The following DENND2B variants were observed in gnomAD, a reference collection of about 807,000 sequenced individuals.
DENND2B encodes the protein DENN domain containing 2B, also known as DENN domain-containing protein 2B.
Under a neutral mutation model 116.0 loss-of-function variants are expected in DENND2B, and 32 were observed. The ratio of observed to expected loss-of-function variants is 0.28; its 90% CI spans 0.21 to 0.37. The LOEUF is 0.37. Ranked by LOEUF, DENND2B falls within the 10% of genes least tolerant of loss-of-function variation. The probability of loss-of-function intolerance (pLI) is 1.00; values close to 1 mark genes in which losing one functional copy is unlikely to be tolerated. For missense variants in DENND2B, 1,276 were observed against 1,477.7 expected, an observed-to-expected ratio of 0.86 and a Z score of 2.24; for synonymous variants, 588 against 583.9, an observed-to-expected ratio of 1.01 and a Z score of -0.10.
chr11:8,811,403 C>T (rs1387078875), upstream of DENND2B: 5 of 398,254 alleles, frequency 1.3e-5, no homozygotes, highest in Non-Finnish European at 2.2e-5. Flanking sequence ...AGAGTCACAA[C>T]CCAGACGACA....
chr11:8,856,001 C>A (rs2063181231), intron 3 of DENND2B, among the ~76,000 whole-genome samples: 1 of 152,170 alleles, frequency 6.6e-6, no homozygotes, highest in South Asian at 2.1e-4. Context: ...ACTGTCTGAG[C>A]ACCCAACATA....
At chr11:8,746,454 A>G (rs528223374) in intron 2 of DENND2B, among the ~76,000 whole-genome samples, 34 of 152,350 alleles carry the variant, frequency 2.2e-4, no homozygotes, top group African/African-American at 8.2e-4. Flanking sequence ...ATCCCAACAG[A>G]GAATGTATCG....
intron 1 of DENND2B, among the ~76,000 whole-genome samples, chr11:8,892,574 G>T (rs547620614): frequency 6.6e-6 from 1 of 151,802 alleles, no homozygotes; most frequent in East Asian, 1.9e-4. Context: ...TATCACCACC[G>T]ATCCCACAGA....
At chr11:8,851,146 A>G (rs1445578875) in intron 3 of DENND2B, among the ~76,000 whole-genome samples, 1 of 152,174 alleles carries the variant, frequency 6.6e-6, no homozygotes, top group Non-Finnish European at 1.5e-5. Flanking sequence ...ACAATACATC[A>G]CATACTTGAA....
chr11:8,708,986 G>A (rs1394264881), intron 11 of DENND2B, among the ~76,000 whole-genome samples: 4 of 151,764 alleles, frequency 2.6e-5, no homozygotes, highest in Non-Finnish European at 4.4e-5. Context: ...AGCTAAAGGG[G>A]AGACATGCAC....
chr11:8,754,623 A>T (rs902300275), intron 1 of DENND2B, among the ~76,000 whole-genome samples: 8 of 152,264 alleles, frequency 5.3e-5, no homozygotes, highest in Non-Finnish European at 8.8e-5. Context: ...CTTGTACATA[A>T]ATGTTCATAA....
At chr11:8,761,998 C>T (rs1026990196) in intron 1 of DENND2B, among the ~76,000 whole-genome samples, 8 of 152,014 alleles carry the variant, frequency 5.3e-5, no homozygotes, top group Non-Finnish European at 7.4e-5. Flanking sequence ...AACTTCAACA[C>T]CTCCTCCCTC....
intron 1 of DENND2B, among the ~76,000 whole-genome samples, chr11:8,764,207 G>A (rs1279328604): frequency 4.9e-5 from 7 of 144,094 alleles, no homozygotes; most frequent in Non-Finnish European, 1.1e-4. Context: ...GCAATAGAGC[G>A]AGAATCAATC....
At position 8,715,608 on chromosome 11, in the gene DENND2B, G is replaced by A. The variant is rs1160428912; in HGVS notation, c.1840C>T (p.Pro614Ser). Residue 614 changes from proline (P) to serine (S), a missense_variant, in exon 6 of 20, where the codon CCC (proline) becomes TCC (serine). Around this residue, in one of 2 missense-constraint regions of DENND2B, gnomAD observed 856 missense variants for 846.6 expected, o/e 1.01. Transcript: ENST00000313726. ...GCTGCCTCTGGGGAGGGTACCTTGG[G>A]AATGCGGCGGGCCCGGCGGCTGGAC... ...LLSSRRARRIPKLVQRINSIY... is the reference protein window; with the variant it reads ...LLSSRRARRISKLVQRINSIY... 4 of 1,612,550 alleles carry A rather than the reference G, an allele frequency of 2.5e-6. No homozygotes were observed. The highest frequency in any genetic ancestry group is 2.5e-6 in the Non-Finnish European group (3 of 1,178,926).
chr11:8,701,345 G>C (rs978692699), intron 14 of DENND2B, among the ~76,000 whole-genome samples: 1,355 of 26,512 alleles, frequency 0.051, 223 homozygotes, highest in African/African-American at 0.16. Context: ...GCCAGCTTCC[G>C]GGGGGGGGGG....
rs183840237 is a variant in DENND2B at position 8,893,675 on chromosome 11, T to G, written c.-255-12566A>C. On this transcript the variant is annotated intron_variant, in intron 1 of 22. Transcript: ENST00000534127. ...GCTTCAAAGAGAATAAAATACCTAG[T>G]AATCCAACTTACAAGGGATGTGAAG... Among the ~76,000 whole-genome samples the G allele has an allele frequency of 6.5e-3, 987 of 152,178 alleles. 16 individuals carry two copies. The highest frequency in any genetic ancestry group is 0.022 in the African/African-American group (917 of 41,514).
intron 1 of DENND2B, among the ~76,000 whole-genome samples, chr11:8,764,942 CAAAAAAAAAAA>C: frequency 2.0e-5 from 2 of 100,292 alleles, no homozygotes; most frequent in African/African-American, 7.7e-5. Context: ...GAGACTGTCT[CAAAAAAAAAAA>C]AAAAAAAAAA....
intron 4 of DENND2B, among the ~76,000 whole-genome samples, chr11:8,828,387 C>T (rs536110522): frequency 2.0e-5 from 3 of 152,158 alleles, no homozygotes; most frequent in African/African-American, 7.2e-5. Context: ...GCCTCCTGCC[C>T]CCCAGGATGC....
At chr11:8,832,345 G>A (rs747109302) in intron 4 of DENND2B, among the ~76,000 whole-genome samples, 27 of 151,948 alleles carry the variant, frequency 1.8e-4, no homozygotes, top group Non-Finnish European at 3.2e-4. Context: ...CCAGCTACTC[G>A]GGAGGTTGAG....
intron 9 of DENND2B, chr11:8,711,799 G>A (rs2043751064): frequency 2.4e-5 from 7 of 291,716 alleles, no homozygotes; most frequent in Non-Finnish European, 4.2e-5. Context: ...CCCAGGAGGC[G>A]GAGGTTGCAG....
chr11:8,878,788 A>G (rs2063871741), intron 2 of DENND2B, among the ~76,000 whole-genome samples: 1 of 152,226 alleles, frequency 6.6e-6, no homozygotes, highest in Admixed American at 6.5e-5. Context: ...TGAAAACATT[A>G]TGCTAAGTGA....
At chr11:8,760,956 A>C (rs1222802570) in intron 1 of DENND2B, among the ~76,000 whole-genome samples, 1 of 152,188 alleles carries the variant, frequency 6.6e-6, no homozygotes, top group Non-Finnish European at 1.5e-5. Flanking sequence ...TCAGAAAAAA[A>C]AGTAAGAACT....
chr11:8,718,091 G>GA (rs2045300481), intron 4 of DENND2B, 199 bp from the exon 5 acceptor site: 2 of 170,416 alleles, frequency 1.2e-5, no homozygotes, highest in South Asian at 3.9e-5. Flanking sequence ...TCCAGAAGCA[G>GA]ACCCACCCCC....
intron 2 of DENND2B, among the ~76,000 whole-genome samples, chr11:8,744,770 T>C (rs1440214123): frequency 2.6e-5 from 4 of 152,130 alleles, no homozygotes; most frequent in Non-Finnish European, 5.9e-5. Flanking sequence ...GCCTATTCAG[T>C]GGTTACCCTA....
Sources: gnomAD v4.1 joint callset for allele counts (sites outside exome capture counted in the v4.1 genomes callset) on GRCh38, gnomAD v4.1.1 for gene constraint, gnomAD v4.1.1 regional missense constraint, MANE v1.5 for transcripts, NCBI Gene and HGNC (gene_info 2026-07-23, HGNC 2026-07-21) for gene names.